Variants in RNF38 observed in about 807,000 individuals in gnomAD.
RNF38 encodes E3 ubiquitin-protein ligase RNF38.
RNF38 carries 15 observed loss-of-function variants against 67.2 expected under a neutral mutation model. That is an observed-to-expected ratio of 0.22 (90% CI 0.15 to 0.34). The LOEUF is 0.34. Ranked by LOEUF, RNF38 falls within the 10% of genes least tolerant of loss-of-function variation. The probability of loss-of-function intolerance (pLI) is 1.00; values close to 1 mark genes in which losing one functional copy is unlikely to be tolerated. For synonymous variants in RNF38, 220 were observed against 218.8 expected (o/e 1.01, Z -0.05); for missense variants, 524 against 639.9 (o/e 0.82, Z 1.95).
chr9:36,378,262 C>T (rs1420332790), intron 2 of RNF38, among the ~76,000 whole-genome samples: 4 of 151,080 alleles, frequency 2.6e-5, no homozygotes, highest in East Asian at 1.9e-4. Flanking sequence ...CCGCAACCTC[C>T]GCCTCCTGGG....
chr9:36,390,944 C>T (rs1045204185), intron 1 of RNF38, among the ~76,000 whole-genome samples: 16 of 152,156 alleles, frequency 1.1e-4, no homozygotes, highest in African/African-American at 3.4e-4. Flanking sequence ...GCTAAGAAAA[C>T]CCAAGGTAAA....
chr9:36,475,786 G>C (rs1840106941), intron 1 of RNF38, among the ~76,000 whole-genome samples: 1 of 151,180 alleles, frequency 6.6e-6, no homozygotes, highest in African/African-American at 2.4e-5. Context: ...GGGAGGCCGA[G>C]GCAGGCGGAT....
chr9:36,417,311 C>T (rs1050003988), intron 2 of RNF38, among the ~76,000 whole-genome samples: 1 of 152,152 alleles, frequency 6.6e-6, no homozygotes, highest in African/African-American at 2.4e-5. Flanking sequence ...TGCGGTAGTT[C>T]TTGAAGCAAA....
chr9:36,391,569 T>C (rs1564033847), intron 1 of RNF38, among the ~76,000 whole-genome samples: 1 of 152,096 alleles, frequency 6.6e-6, no homozygotes, highest in African/African-American at 2.4e-5. Context: ...AAGCATCTAT[T>C]TGGTGACAGG....
chr9:36,468,138 A>G (rs78103031), intron 1 of RNF38, among the ~76,000 whole-genome samples: 9,543 of 151,446 alleles, frequency 0.063, 324 homozygotes, highest in South Asian at 0.15. Flanking sequence ...CCTACTCAAG[A>G]GGCTGAGGTG....
At chr9:36,351,232 T>A in intron 8 of RNF38, 33 bp from the exon 9 acceptor site, 2 of 1,435,476 alleles carry the variant, frequency 1.4e-6, no homozygotes, top group South Asian at 2.4e-5. Context: ...AGCATTGATA[T>A]GTTAGTACAT....
chr9:36,442,967 T>C (rs1459535575), intron 1 of RNF38, among the ~76,000 whole-genome samples: 1 of 152,136 alleles, frequency 6.6e-6, no homozygotes, highest in East Asian at 1.9e-4. Context: ...GATTAGTAAG[T>C]CCTCCTCTGG....
intron 4 of RNF38, among the ~76,000 whole-genome samples, chr9:36,368,414 GC>G (rs1835132868): frequency 6.6e-6 from 1 of 151,954 alleles, no homozygotes; most frequent in Non-Finnish European, 1.5e-5. Context: ...TACCCTACAA[GC>G]CTAGTATGTA....
At chr9:36,477,879 G>C (rs1840158561) in intron 1 of RNF38, among the ~76,000 whole-genome samples, 1 of 151,088 alleles carries the variant, frequency 6.6e-6, no homozygotes, top group Non-Finnish European at 1.5e-5. Flanking sequence ...CATTGTCCCA[G>C]CTACTCAGGA....
chr9:36,404,552 T>C (rs1427275305), upstream of RNF38, among the ~76,000 whole-genome samples: 3 of 152,252 alleles, frequency 2.0e-5, no homozygotes, highest in Admixed American at 1.3e-4. Context: ...ATTGTAAAGA[T>C]AGCAATCTAT....
Position 36,369,793 on chromosome 9 carries a change from C to T in RNF38, c.496G>A (p.Val166Ile). 2 of 1,613,952 alleles carry T rather than the reference C, an allele frequency of 1.2e-6. No individual in the cohort carries two copies. Among genetic ancestry groups the T allele is most frequent in the Non-Finnish European group, 1.7e-6 (2 of 1,180,022 alleles). ...GCAGGATGTAGCAGACGGGGAGATACATTCGGAGGGTGGAAGGCTCGAGGC... is the reference window on the plus strand; with the variant it reads ...GCAGGATGTAGCAGACGGGGAGATATATTCGGAGGGTGGAAGGCTCGAGGC... ...EEPRAFHPPNVSPRLLHPAAH... is the reference protein window; with the variant it reads ...EEPRAFHPPNISPRLLHPAAH... The change falls in exon 4 of 12, where the codon GTA (valine) becomes ATA (isoleucine). Residue 166 changes from valine (V) to isoleucine (I), a missense_variant. By Grantham distance (29) the Val-to-Ile change is conservative. This residue lies in a region of RNF38 where 461 missense variants were observed against 517.4 expected (regional missense o/e 0.89). Transcript: ENST00000259605.
chr9:36,388,864 T>C (rs757319491), intron 2 of RNF38, among the ~76,000 whole-genome samples: 2 of 152,132 alleles, frequency 1.3e-5, no homozygotes, highest in African/African-American at 4.8e-5. Context: ...GGGAATAATT[T>C]TGTGACACTA....
At chr9:36,348,070 C>T (rs1319609094) in intron 9 of RNF38, among the ~76,000 whole-genome samples, 1 of 151,152 alleles carries the variant, frequency 6.6e-6, no homozygotes, top group East Asian at 2.0e-4. Flanking sequence ...AGTGAGATTC[C>T]GTCTCAAAAA....
intron 2 of RNF38, among the ~76,000 whole-genome samples, chr9:36,377,794 CAATAT>C (rs999149806): frequency 2.4e-4 from 36 of 152,278 alleles, no homozygotes; most frequent in African/African-American, 8.2e-4. Flanking sequence ...CAACACAATA[CAATAT>C]AAATGTTTTA....
chr9:36,486,151 A>T (rs1420597662), intron 1 of RNF38, among the ~76,000 whole-genome samples: 1 of 150,764 alleles, frequency 6.6e-6, no homozygotes, highest in Non-Finnish European at 1.5e-5. Context: ...CTTTTTCCCC[A>T]TTCTATTTTC....
At chr9:36,392,400 C>T (rs929869985) in intron 1 of RNF38, among the ~76,000 whole-genome samples, 4 of 152,122 alleles carry the variant, frequency 2.6e-5, no homozygotes, top group African/African-American at 9.7e-5. Flanking sequence ...TGAATCAAGG[C>T]GTATTTACTG....
At chr9:36,434,371 G>A (rs1374823848) in intron 1 of RNF38, among the ~76,000 whole-genome samples, 1 of 147,656 alleles carries the variant, frequency 6.8e-6, no homozygotes, top group Non-Finnish European at 1.5e-5. Flanking sequence ...GGGAGGGCAC[G>A]GGAGGAGGAG....
intron 2 of RNF38, among the ~76,000 whole-genome samples, chr9:36,407,681 C>CT (rs780555676): frequency 1.3e-5 from 2 of 152,168 alleles, no homozygotes; most frequent in African/African-American, 2.4e-5. Flanking sequence ...AAGCCACACT[C>CT]TTGCTTGTTC....
intron 2 of RNF38, among the ~76,000 whole-genome samples, chr9:36,407,698 G>T (rs754488334): frequency 6.6e-6 from 1 of 152,066 alleles, no homozygotes; most frequent in African/African-American, 2.4e-5. Context: ...GTTCTGTTCC[G>T]GAGAACAGAC....
Sources: gnomAD v4.1 joint callset for allele counts (sites outside exome capture counted in the v4.1 genomes callset) on GRCh38, gnomAD v4.1.1 for gene constraint, gnomAD v4.1.1 regional missense constraint, MANE v1.5 for transcripts, NCBI Gene and HGNC (gene_info 2026-07-23, HGNC 2026-07-21) for gene names.